ZNF790: variants seen among roughly 807,000 people sequenced by gnomAD.
ZNF790 encodes the protein zinc finger protein 790.
A neutral mutation model predicts 12.1 loss-of-function variants in ZNF790; 8 were observed. That is an observed-to-expected ratio of 0.66 (90% CI 0.39 to 1.19). The LOEUF (loss-of-function observed/expected upper bound fraction) is 1.19, where lower values mean the gene tolerates loss of function less well. ZNF790 is among the 50% of genes most tolerant of loss of function. The pLI, the probability that ZNF790 is intolerant of heterozygous loss-of-function variation, is 0.01. For missense variants in ZNF790, 707 were observed against 752.2 expected (o/e 0.94, Z 0.70); for synonymous variants, 252 against 244.3 (o/e 1.03, Z -0.29).
rs773530326 is a variant in ZNF790, at chr19:36,818,990, A to G, written c.1354T>C (p.Cys452Arg). 18 of 1,613,932 alleles carry G rather than the reference A, an allele frequency of 1.1e-5. 1 individual carries two copies. In the East Asian group the frequency reaches 2.9e-4, roughly 26 times the overall value. The change falls in exon 5 of 5, where the codon TGT becomes CGT. Residue 452 changes from cysteine (C) to arginine (R), a missense_variant. Transcript: ENST00000356725. ...KIHNERKSYE[C>R]KECGKTFLHG... Reference sequence around the variant, plus strand: ...AGAAAGGTCTTTCCACATTCCTTACATTCATAGGATTTCCTCTCATTGTGA... The same window carrying G: ...AGAAAGGTCTTTCCACATTCCTTACGTTCATAGGATTTCCTCTCATTGTGA...
At position 36,819,308 on chromosome 19, in the gene ZNF790, C is replaced by G. The variant is rs2071613127; in HGVS notation, c.1036G>C (p.Ala346Pro). The change falls in exon 5 of 5, where the codon GCT becomes CCT. Residue 346 changes from alanine (A) to proline (P), a missense_variant. By Grantham distance (27) the Ala-to-Pro change is conservative. Coordinates refer to ENST00000356725, the MANE Select transcript of ZNF790 (RefSeq NM_206894.4). ...KPYECKECGKAFTRGSHLTQH... is the reference protein window; with the variant it reads ...KPYECKECGKPFTRGSHLTQH... ...GTTAGGTGTGATCCACGAGTAAAAG[C>G]TTTCCCACACTCCTTACATTCATAA... The G allele has an allele frequency of 5.6e-6, 9 of 1,610,434 alleles. No homozygotes were observed. The highest frequency in any genetic ancestry group is 7.6e-6 in the Non-Finnish European group (9 of 1,177,950).
intron 4 of ZNF790, 92 bp from the exon 5 acceptor site, chr19:36,820,206 CAT>C: frequency 7.3e-7 from 1 of 1,366,878 alleles, no homozygotes; most frequent in African/African-American, 1.5e-5. Flanking sequence ...TGAAGTAAAG[CAT>C]ATGAGAAGTG....
At chr19:36,821,155 CTT>C (rs1041602918) in intron 4 of ZNF790, among the ~76,000 whole-genome samples, 10 of 150,124 alleles carry the variant, frequency 6.7e-5, no homozygotes, top group African/African-American at 2.5e-4. Flanking sequence ...CTCTGTGACT[CTT>C]TTTTCTAATG....
chr19:36,822,942 C>T (rs1033578432), intron 4 of ZNF790, among the ~76,000 whole-genome samples: 2 of 151,398 alleles, frequency 1.3e-5, no homozygotes, highest in African/African-American at 4.9e-5. Flanking sequence ...CCTCTGCCTC[C>T]CTGGTTCAAC....
chr19:36,824,766 G>A (rs984093795), intron 2 of ZNF790, among the ~76,000 whole-genome samples: 6 of 151,296 alleles, frequency 4.0e-5, no homozygotes, highest in Non-Finnish European at 8.8e-5. Context: ...AGAAAAGTTG[G>A]AGGTTTTGTT....
At chr19:36,830,792 T>C (rs2071931115) in intron 1 of ZNF790, among the ~76,000 whole-genome samples, 1 of 152,164 alleles carries the variant, frequency 6.6e-6, no homozygotes, top group South Asian at 2.1e-4. Flanking sequence ...TCCAGGAAAA[T>C]CTATTACATC....
At position 36,825,527 on chromosome 19, in the gene ZNF790, G is replaced by A. The variant is rs2071778195; in HGVS notation, c.9+84C>T. On this transcript the variant is annotated intron_variant, in intron 2 of 4. Transcript: ENST00000356725. The stretch of plus-strand genomic sequence containing the variant: ...TGACACTCAATAGTGATTCAGGTAA[G>A]CAGTTTAAGGATAAGCAATAAAAAT... 7.5e-6 allele frequency: 10 copies of A among 1,334,192 alleles called. No homozygotes were observed. The highest frequency in any genetic ancestry group is 2.3e-5 in the East Asian group (1 of 43,536). 82.6% of individuals were successfully genotyped at this position (1,334,192 alleles called of 1,614,324 possible).
chr19:36,845,819 G>T (rs1348257389), intron 1 of ZNF790, among the ~76,000 whole-genome samples: 6 of 151,416 alleles, frequency 4.0e-5, no homozygotes, highest in Non-Finnish European at 8.8e-5. Flanking sequence ...TTTGAGGGGG[G>T]TGGTGGGAGA....
chr19:36,821,618 C>T (rs1360095866), intron 4 of ZNF790, among the ~76,000 whole-genome samples: 1 of 152,028 alleles, frequency 6.6e-6, no homozygotes, highest in African/African-American at 2.4e-5. Flanking sequence ...GAGTCTCACT[C>T]TGTCGCCCAG....
upstream of ZNF790, among the ~76,000 whole-genome samples, chr19:36,839,592 A>T (rs2072111006): frequency 6.6e-6 from 1 of 151,942 alleles, no homozygotes; most frequent in Non-Finnish European, 1.5e-5. Flanking sequence ...GGGTCTCGCC[A>T]TGTTGGCCAG....
At chr19:36,845,237 C>T (rs1364322769) in intron 1 of ZNF790, among the ~76,000 whole-genome samples, 2 of 151,552 alleles carry the variant, frequency 1.3e-5, no homozygotes, top group Non-Finnish European at 2.9e-5. Context: ...AGCAATATAG[C>T]AAGACTTTGC....
At chr19:36,828,477 AGG>A (rs1338386058) in intron 1 of ZNF790, among the ~76,000 whole-genome samples, 1 of 151,466 alleles carries the variant, frequency 6.6e-6, no homozygotes, top group African/African-American at 2.4e-5. Flanking sequence ...AAAAAAAAAA[AGG>A]AAAAAAAAAT....
At chr19:36,844,042 C>G (rs968001931) in intron 1 of ZNF790, among the ~76,000 whole-genome samples, 1 of 150,462 alleles carries the variant, frequency 6.6e-6, no homozygotes, top group South Asian at 2.1e-4. Context: ...AAAAAAAGGC[C>G]GGGCAGGGTG....
At chr19:36,829,598 G>A (rs1353159213) in intron 1 of ZNF790, among the ~76,000 whole-genome samples, 9 of 152,070 alleles carry the variant, frequency 5.9e-5, no homozygotes, top group South Asian at 2.1e-4. Flanking sequence ...ATGAAGTTTC[G>A]CTCTTGTTGC....
At chr19:36,827,139 CACATATATATATATATATATATAT>C (rs1262453282) in intron 1 of ZNF790, among the ~76,000 whole-genome samples, 3 of 70,206 alleles carry the variant, frequency 4.3e-5, no homozygotes, top group Admixed American at 1.5e-4. Flanking sequence ...CACACACACA[CACATATATATATATATATATATAT>C]ATATATATAT....
At position 36,818,335 on chromosome 19, in the gene ZNF790, A is replaced by G. The variant is rs1600640544; in HGVS notation, c.*98T>C. The G allele has an allele frequency of 1.1e-5, 14 of 1,236,512 alleles. No homozygotes were observed. The highest frequency in any genetic ancestry group is 1.5e-5 in the Non-Finnish European group (14 of 919,192). 76.6% of individuals were successfully genotyped at this position (1,236,512 alleles called of 1,614,324 possible). Reference sequence around the variant, plus strand: ...GTGTGCTCTGTTAAAATGCCTTCCAATATTACTTACATTTGTGGTGTTCCT... The same window carrying G: ...GTGTGCTCTGTTAAAATGCCTTCCAGTATTACTTACATTTGTGGTGTTCCT... On this transcript the variant is annotated 3_prime_UTR_variant, in exon 5 of 5. Transcript: ENST00000356725.
intron 1 of ZNF790, among the ~76,000 whole-genome samples, chr19:36,832,669 A>G (rs1292600885): frequency 2.6e-5 from 4 of 152,188 alleles, no homozygotes; most frequent in Non-Finnish European, 5.9e-5. Flanking sequence ...AGAACTTCCC[A>G]GCTAAGCCAC....
chr19:36,824,343 G>C lies in ZNF790; in HGVS notation c.10-553C>G, dbSNP rs2071751119. On this transcript the variant is annotated intron_variant, in intron 2 of 4. Coordinates refer to ENST00000356725, the MANE Select transcript of ZNF790 (RefSeq NM_206894.4). ...CTTTTACGAGACAGAGTGTTGCTCTGTCACCCAGACCGGAGTGCAGTGGTG... is the reference window on the plus strand; with the variant it reads ...CTTTTACGAGACAGAGTGTTGCTCTCTCACCCAGACCGGAGTGCAGTGGTG... Among the ~76,000 whole-genome samples the C allele has an allele frequency of 2.0e-5, 3 of 151,826 alleles. No individual in the cohort carries two copies. In the South Asian group the frequency reaches 6.2e-4, roughly 32 times the overall value.
upstream of ZNF790, among the ~76,000 whole-genome samples, chr19:36,840,783 A>G (rs1428924973): frequency 2.0e-5 from 3 of 152,208 alleles, no homozygotes; most frequent in Non-Finnish European, 4.4e-5. Flanking sequence ...CTAAAGATGT[A>G]TGGTTTTCAG....
Sources: gnomAD v4.1 joint callset for allele counts (sites outside exome capture counted in the v4.1 genomes callset) on GRCh38, gnomAD v4.1.1 for gene constraint, MANE v1.5 for transcripts, NCBI Gene and HGNC (gene_info 2026-07-23, HGNC 2026-07-21) for gene names.